Variants in SYT3 observed in about 807,000 individuals in gnomAD.
SYT3 encodes synaptotagmin-3.
SYT3 carries 25 observed loss-of-function variants against 50.6 expected under a neutral mutation model. The ratio of observed to expected loss-of-function variants is 0.49; its 90% confidence interval spans 0.36 to 0.69. The LOEUF (loss-of-function observed/expected upper bound fraction) is 0.69, where lower values mean the gene tolerates loss of function less well. Ranked by LOEUF, SYT3 falls within the 30% of genes least tolerant of loss-of-function variation. SYT3 has a pLI of 0.00. For missense variants in SYT3, 589 were observed against 793.6 expected (o/e 0.74, Z 3.10); for synonymous variants, 323 against 353.9 (o/e 0.91, Z 0.98).
At chr19:50,628,062 C>A (rs1984141352) in intron 6 of SYT3, among the ~76,000 whole-genome samples, 1 of 152,044 alleles carries the variant, frequency 6.6e-6, no homozygotes, top group African/African-American at 2.4e-5. Context: ...CCCAGCTCAA[C>A]TGGACATCTG....
In SYT3 at chr19:50,629,931, G is replaced by C. The variant is rs746131765; in HGVS notation, c.915C>G (p.Phe305Leu). The C allele has an allele frequency of 6.2e-7, 1 of 1,614,072 alleles. No homozygotes were observed. The highest frequency in any genetic ancestry group is 8.5e-7 in the Non-Finnish European group (1 of 1,180,004). Residue 305 changes from phenylalanine to leucine, a missense_variant, in exon 5 of 11, where the codon TTC becomes TTG. This residue lies in a region of SYT3 where 273 missense variants were observed against 439.3 expected (regional missense o/e 0.62). Transcript: ENST00000600079. ...CCGAGCCATAGAGGTACCGCAGGGC[G>C]AAGCTGATACGGCCACAGGGTGCCC... ...GTGAPCGRIS[F>L]ALRYLYGSDQ... is the part of the protein sequence containing the mutation.
chr19:50,642,691 G>A (rs147129883), upstream of SYT3, among the ~76,000 whole-genome samples: 4,325 of 152,130 alleles, frequency 0.028, 208 homozygotes, highest in African/African-American at 0.099. Context: ...AAAATTAGCC[G>A]GGCGTGGTGG....
rs532235279 is a variant in SYT3, at chr19:50,625,090, G to A, written c.1707+72C>T. 25 of 1,409,172 alleles carry A rather than the reference G, an allele frequency of 1.8e-5. No homozygotes were observed. The African/African-American group carries it at 2.7e-4, about 15-fold the overall frequency. 87.3% of individuals were successfully genotyped at this position (1,409,172 alleles called of 1,614,324 possible). A position where few individuals can be genotyped will look rare whatever the true frequency, so the allele number is the denominator to read the frequency against. On this transcript the variant is annotated intron_variant, in intron 9 of 10. Transcript: ENST00000600079. The surrounding 1 kb of genome is among the most constrained non-coding windows in gnomAD (Gnocchi z 7.5). Reference sequence around the variant, plus strand: ...TCTGCGACTCACGAACATGCAGGGCGTTCGTTGCATGGATGAAGGGGCCGA... The same window carrying A: ...TCTGCGACTCACGAACATGCAGGGCATTCGTTGCATGGATGAAGGGGCCGA...
the SYT3 span, among the ~76,000 whole-genome samples, chr19:50,646,533 A>C: frequency 4.1e-4 from 63 of 152,324 alleles, no homozygotes; most frequent in Admixed American, 1.5e-3. Flanking sequence ...GAGATGAGTC[A>C]GGAAACAAAT....
upstream of SYT3, among the ~76,000 whole-genome samples, chr19:50,643,017 C>G (rs1008167): frequency 0.33 from 50,595 of 151,864 alleles, 9,109 homozygotes; most frequent in African/African-American, 0.48. Flanking sequence ...TTGAGGCTCA[C>G]CAAGGGAAGC....
chr19:50,647,286 G>A, the SYT3 span, among the ~76,000 whole-genome samples: 1 of 152,116 alleles, frequency 6.6e-6, no homozygotes, highest in Non-Finnish European at 1.5e-5. Flanking sequence ...AGCCCTGGGA[G>A]GGCCGTGAGC....
At chr19:50,645,206 C>T in the SYT3 span, among the ~76,000 whole-genome samples, 2 of 152,178 alleles carry the variant, frequency 1.3e-5, no homozygotes, top group East Asian at 1.9e-4. Flanking sequence ...TGGAGGAAAA[C>T]GCTGATTCAG....
intron 3 of SYT3, among the ~76,000 whole-genome samples, chr19:50,633,202 G>A (rs1035669212): frequency 3.3e-5 from 5 of 151,826 alleles, no homozygotes; most frequent in African/African-American, 4.8e-5. Flanking sequence ...AGGCTGGCTC[G>A]AACTCCTGGC....
At chr19:50,657,411 G>A in the SYT3 span, among the ~76,000 whole-genome samples, 1 of 152,092 alleles carries the variant, frequency 6.6e-6, no homozygotes, top group Admixed American at 6.6e-5. Context: ...TAGTTCCTCA[G>A]CAATTTTATG....
In SYT3 at chr19:50,625,321, T is replaced by TGGAGGGTGGTG; in HGVS notation, c.1575-38_1575-28dup. On this transcript the variant is annotated intron_variant, in intron 8 of 10. Transcript: ENST00000600079. The surrounding 1 kb of genome is among the most constrained non-coding windows in gnomAD (Gnocchi z 7.5). ...TGGGGGTTGGGGTCAGTGAGGACCG[T>TGGAGGGTGGTG]GGAGGGTGGTGGGAGGGCCTGTCCC... The TGGAGGGTGGTG allele has an allele frequency of 6.5e-7, 1 of 1,533,300 alleles. No homozygotes were observed. The highest frequency in any genetic ancestry group is 8.8e-7 in the Non-Finnish European group (1 of 1,141,214). The allele number at this position is 1,533,300 out of a possible 1,614,324, so 95.0% of individuals were successfully genotyped here.
At chr19:50,638,221 G>GGGAAA (rs1984558636) in intron 2 of SYT3, among the ~76,000 whole-genome samples, 4 of 152,230 alleles carry the variant, frequency 2.6e-5, no homozygotes, top group South Asian at 4.2e-4. Context: ...GGGGGCAGTG[G>GGGAAA]CGCCAGGATG....
At position 50,632,270 on chromosome 19, in the gene SYT3, C is replaced by G. The variant is rs1984334102; in HGVS notation, c.674+16G>C. The G allele has an allele frequency of 6.5e-7, 1 of 1,545,444 alleles. No individual in the cohort carries two copies. Among genetic ancestry groups the G allele is most frequent in the Admixed American group, 1.9e-5 (1 of 52,722 alleles). ...AGAAGTTCAGAGTGGACCCCCAACC[C>G]AGTATCCTCTCTCACCTGGTAGTGG... On this transcript the variant is annotated intron_variant, in intron 4 of 10. Transcript: ENST00000600079. The surrounding 1 kb of genome is among the most constrained non-coding windows in gnomAD (Gnocchi z 4.7).
chr19:50,657,976 C>T, the SYT3 span: 7 of 1,520,782 alleles, frequency 4.6e-6, no homozygotes, highest in South Asian at 1.2e-5. Flanking sequence ...GGTTCTCTCT[C>T]CGACACCCGC....
At chr19:50,647,106 A>G in the SYT3 span, among the ~76,000 whole-genome samples, 1 of 152,094 alleles carries the variant, frequency 6.6e-6, no homozygotes, top group East Asian at 1.9e-4. Context: ...CTGGGATTAC[A>G]GGTGTGAGCC....
Position 50,629,498 on chromosome 19 carries a change from G to T in SYT3, c.1077C>A (p.Thr359=). The change falls in exon 6 of 11, where the codon ACC becomes ACA. Residue 359 remains threonine (T), a synonymous_variant. Coordinates refer to ENST00000600079, the MANE Select transcript of SYT3 (RefSeq NM_001160329.2). Reference sequence around the variant, plus strand: ...ACGTCTCATTGAAGACGGGGTTCAGGGTCTTCCTGTGCACCTGGTGGTGGT... The same window carrying T: ...ACGTCTCATTGAAGACGGGGTTCAGTGTCTTCCTGTGCACCTGGTGGTGGT... The part of the protein sequence containing the change: ...KKFQTKVHRK[T]LNPVFNETFQ... The T allele has an allele frequency of 6.2e-7, 1 of 1,613,568 alleles. No individual in the cohort carries two copies.
At chr19:50,655,656 A>G in the SYT3 span, among the ~76,000 whole-genome samples, 1 of 152,070 alleles carries the variant, frequency 6.6e-6, no homozygotes, top group Non-Finnish European at 1.5e-5. Flanking sequence ...CTCAAAAAAA[A>G]AAAACAAAAA....
intron 6 of SYT3, among the ~76,000 whole-genome samples, chr19:50,628,430 T>C (rs975937319): frequency 4.0e-5 from 6 of 151,704 alleles, no homozygotes; most frequent in African/African-American, 9.7e-5. Flanking sequence ...AACTGAGGAG[T>C]GTCTGCATAT....
the SYT3 span, among the ~76,000 whole-genome samples, chr19:50,650,257 C>T: frequency 6.6e-6 from 1 of 152,176 alleles, no homozygotes. Flanking sequence ...CAACTTCAGG[C>T]TCCTAGCCCA....
the SYT3 span, among the ~76,000 whole-genome samples, chr19:50,653,262 C>A: frequency 6.6e-6 from 1 of 152,196 alleles, no homozygotes; most frequent in Non-Finnish European, 1.5e-5. Context: ...TGGTCTCGAA[C>A]TCCTGAGCTC....
Sources: gnomAD v4.1 joint callset for allele counts (sites outside exome capture counted in the v4.1 genomes callset) on GRCh38, gnomAD v4.1.1 for gene constraint, gnomAD v4.1.1 regional missense constraint, Gnocchi (gnomAD v3.1) non-coding constraint, MANE v1.5 for transcripts, NCBI Gene and HGNC (gene_info 2026-07-23, HGNC 2026-07-21) for gene names.